The following NOVA1 variants were observed in gnomAD, a reference collection of about 807,000 sequenced individuals.
NOVA1 encodes RNA-binding protein Nova-1.
Under a neutral mutation model 38.0 loss-of-function variants are expected in NOVA1, and 7 were observed. The ratio of observed to expected loss-of-function variants is 0.18; its 90% CI spans 0.10 to 0.35. The LOEUF is 0.35. NOVA1 is among the 10% of genes least tolerant of loss of function. The pLI is 1.00. For missense variants in NOVA1, 460 were observed against 616.0 expected, an observed-to-expected ratio of 0.75 and a Z score of 2.68; for synonymous variants, 270 against 232.5, an observed-to-expected ratio of 1.16 and a Z score of -1.47.
chr14:26,555,580 CTACTT>C (rs1419834234), intron 2 of NOVA1, among the ~76,000 whole-genome samples: 1 of 152,082 alleles, frequency 6.6e-6, no homozygotes, highest in Non-Finnish European at 1.5e-5. Context: ...TTTTTCTACT[CTACTT>C]TCTCACAGGA....
At chr14:26,524,467 A>C (rs1200483979) in intron 2 of NOVA1, among the ~76,000 whole-genome samples, 3 of 152,092 alleles carry the variant, frequency 2.0e-5, no homozygotes, top group South Asian at 2.1e-4. Context: ...ATTATTATAA[A>C]TAATTATATA....
intron 1 of NOVA1, chr14:26,596,757 C>G: frequency 8.0e-7 from 1 of 1,255,332 alleles, no homozygotes; most frequent in Non-Finnish European, 1.0e-6. Flanking sequence ...TTTGCACCGA[C>G]AATCTAAGTG....
chr14:26,494,573 C>T (rs1465532027), intron 2 of NOVA1, among the ~76,000 whole-genome samples: 1 of 151,988 alleles, frequency 6.6e-6, no homozygotes, highest in Non-Finnish European at 1.5e-5. Flanking sequence ...GGCATTTTAC[C>T]TTTCCTTTTC....
rs889429573 is a variant in NOVA1 at position 26,496,717 on chromosome 14, G to A, written c.281-16574C>T. ...AGTTTCAGCTTTCTACATATGGCTA[G>A]CCAGTTTTCCCAGCACCATTTATTA... On this transcript the variant is annotated intron_variant, in intron 2 of 4. Coordinates refer to ENST00000539517, the MANE Select transcript of NOVA1 (RefSeq NM_002515.3). Among the ~76,000 whole-genome samples, 4 of 152,274 alleles carry A rather than the reference G, an allele frequency of 2.6e-5. No individual in the cohort carries two copies. In the South Asian group the frequency reaches 8.3e-4, roughly 32 times the overall value.
At position 26,445,675 on chromosome 14, in the gene NOVA1, C is replaced by G. The variant is rs1257311053; in HGVS notation, c.*2284G>C. ...AAGACTGAACAAAACATTTTAAAGA[C>G]CCAACATTTGAAATGCTTCTAGTAC... On this transcript the variant is annotated 3_prime_UTR_variant, in exon 5 of 5. Transcript: ENST00000539517. 2 of 152,072 alleles carry G rather than the reference C, an allele frequency of 1.3e-5. No individual in the cohort carries two copies. The highest frequency in any genetic ancestry group is 2.9e-5 in the Non-Finnish European group (2 of 67,996). 9.4% of individuals were successfully genotyped at this position (152,072 alleles called of 1,614,324 possible). A position where few individuals can be genotyped will look rare whatever the true frequency, so the allele number is the denominator to read the frequency against.
At chr14:26,589,685 T>C (rs1220222749) in intron 2 of NOVA1, among the ~76,000 whole-genome samples, 1 of 151,818 alleles carries the variant, frequency 6.6e-6, no homozygotes, top group East Asian at 1.9e-4. Context: ...CTCACTCATG[T>C]TTTACATATG....
intron 4 of NOVA1, among the ~76,000 whole-genome samples, chr14:26,455,537 C>G (rs1437204846): frequency 6.6e-6 from 1 of 152,006 alleles, no homozygotes; most frequent in Non-Finnish European, 1.5e-5. Context: ...ACCCTTCCTT[C>G]AACTCCCCAC....
At chr14:26,553,152 G>A (rs1288906050) in intron 2 of NOVA1, among the ~76,000 whole-genome samples, 4 of 152,172 alleles carry the variant, frequency 2.6e-5, no homozygotes, top group African/African-American at 9.7e-5. Flanking sequence ...ACAGGTAAAA[G>A]AACATAATGA....
intron 2 of NOVA1, among the ~76,000 whole-genome samples, chr14:26,590,657 C>G (rs565273941): frequency 4.6e-5 from 7 of 151,882 alleles, no homozygotes; most frequent in African/African-American, 1.7e-4. Context: ...TTAGCATTTT[C>G]AAGACACAGA....
At chr14:26,455,748 A>C (rs1883120344) in intron 4 of NOVA1, among the ~76,000 whole-genome samples, 2 of 152,092 alleles carry the variant, frequency 1.3e-5, no homozygotes, top group Admixed American at 1.3e-4. Context: ...AACAGAAGAG[A>C]AGCACTTCAA....
intron 4 of NOVA1, among the ~76,000 whole-genome samples, chr14:26,449,438 G>A (rs1459357450): frequency 1.3e-5 from 2 of 152,050 alleles, no homozygotes; most frequent in Non-Finnish European, 2.9e-5. Context: ...GTTCAAGCCT[G>A]AGTCCCTTCA....
chr14:26,479,772 A>T, intron 3 of NOVA1: 1 of 474,768 alleles, frequency 2.1e-6, no homozygotes, highest in Non-Finnish European at 3.6e-6. Context: ...TAACACTAAT[A>T]AATGAATAAT....
chr14:26,449,598 T>A (rs1882450661), intron 4 of NOVA1, among the ~76,000 whole-genome samples: 1 of 152,136 alleles, frequency 6.6e-6, no homozygotes, highest in African/African-American at 2.4e-5. Context: ...TTCATAATAG[T>A]TATTTCTAAA....
At chr14:26,588,442 T>C (rs1049457155) in intron 2 of NOVA1, 1 of 151,480 alleles carries the variant, frequency 6.6e-6, no homozygotes, top group Non-Finnish European at 1.5e-5. Flanking sequence ...ATTAATTTCA[T>C]TTTTCATCTC....
chr14:26,538,428 G>C, intron 2 of NOVA1, among the ~76,000 whole-genome samples: 2 of 152,124 alleles, frequency 1.3e-5, no homozygotes, highest in South Asian at 4.2e-4. Context: ...AAATAGATGT[G>C]TAATTTAAAA....
chr14:26,448,919 C>T lies in NOVA1; in HGVS notation c.564G>A (p.Gly188=). 6.2e-7 allele frequency: 1 copy of T among 1,614,032 alleles called. No individual in the cohort carries two copies. Among genetic ancestry groups the T allele is most frequent in the Non-Finnish European group, 8.5e-7 (1 of 1,179,992 alleles). ...CAGCCTTCACAGTAGCACCTCCCTT[C>T]CCTATTATCAGACCTGCTGTGCTGT... ...VPNSTAGLII[G]KGGATVKAVM... is the part of the protein sequence containing the mutation. The change falls in exon 5 of 5, where the codon GGG becomes GGA. Residue 188 remains glycine, a synonymous_variant. Transcript: ENST00000539517. The surrounding 1 kb of genome is among the most constrained non-coding windows in gnomAD (Gnocchi z 5.3).
intron 2 of NOVA1, among the ~76,000 whole-genome samples, chr14:26,575,171 C>T (rs1354455044): frequency 6.6e-6 from 1 of 152,086 alleles, no homozygotes; most frequent in Non-Finnish European, 1.5e-5. Flanking sequence ...GTTCAAATTG[C>T]TTGACACTGA....
At chr14:26,543,216 T>C (rs1377542660) in intron 2 of NOVA1, among the ~76,000 whole-genome samples, 1 of 151,972 alleles carries the variant, frequency 6.6e-6, no homozygotes, top group Non-Finnish European at 1.5e-5. Context: ...AAAAATATGA[T>C]AAAAGGCATA....
At chr14:26,564,234 CA>C (rs1891994489) in intron 2 of NOVA1, among the ~76,000 whole-genome samples, 2 of 152,136 alleles carry the variant, frequency 1.3e-5, no homozygotes, top group African/African-American at 4.8e-5. Context: ...GTGGATCTTA[CA>C]AACCATGGTA....
Sources: gnomAD v4.1 joint callset for allele counts (sites outside exome capture counted in the v4.1 genomes callset) on GRCh38, gnomAD v4.1.1 for gene constraint, Gnocchi (gnomAD v3.1) non-coding constraint, MANE v1.5 for transcripts, NCBI Gene and HGNC (gene_info 2026-07-23, HGNC 2026-07-21) for gene names.